Variants in DIDO1 observed in about 807,000 individuals in gnomAD.
DIDO1 encodes the protein death inducer-obliterator 1.
In DIDO1, 16 loss-of-function variants were observed where a neutral mutation model predicts 99.4. The ratio of observed to expected loss-of-function variants is 0.16; its 90% CI spans 0.11 to 0.24. The LOEUF is 0.24. DIDO1 is among the 10% of genes least tolerant of loss of function. DIDO1 has a pLI of 1.00. For synonymous variants in DIDO1, 1,366 were observed against 1,239.1 expected, an observed-to-expected ratio of 1.10 and a Z score of -2.15; for missense variants, 2,996 against 3,014.0, an observed-to-expected ratio of 0.99 and a Z score of 0.14.
intron 1 of DIDO1, among the ~76,000 whole-genome samples, chr20:62,935,698 T>C (rs562805673): frequency 1.3e-5 from 2 of 152,236 alleles, no homozygotes; most frequent in African/African-American, 2.4e-5. Flanking sequence ...TGCAGACTTA[T>C]AGCTGCGCTA....
At chr20:62,923,058 G>A (rs1253364893) in intron 1 of DIDO1, among the ~76,000 whole-genome samples, 3 of 152,238 alleles carry the variant, frequency 2.0e-5, no homozygotes, top group South Asian at 4.1e-4. Flanking sequence ...CTGGAGAGCA[G>A]TAGCAGAACC....
chr20:62,927,041 C>A (rs559988758), upstream of DIDO1, among the ~76,000 whole-genome samples: 218 of 134,396 alleles, frequency 1.6e-3, no homozygotes, highest in African/African-American at 6.4e-3. Flanking sequence ...GGCGGGGTTT[C>A]TCTCCAACTT....
chr20:62,911,717 G>C lies in DIDO1; in HGVS notation c.-2-103C>G. Reference sequence around the variant, plus strand: ...AGGGGCCACCTCCCTACAAACAGTGGAGCTCTACATAAAGCAAGTCCTTCT... The same window carrying C: ...AGGGGCCACCTCCCTACAAACAGTGCAGCTCTACATAAAGCAAGTCCTTCT... On this transcript the variant is annotated intron_variant, in intron 2 of 15. Transcript: ENST00000395343. This position sits in a 1 kb window ranked among gnomAD's most constrained non-coding sequence, Gnocchi z 7.0. The C allele has an allele frequency of 2.9e-6, 3 of 1,023,506 alleles. No individual in the cohort carries two copies. The highest frequency in any genetic ancestry group is 4.2e-6 in the Non-Finnish European group (3 of 718,218). The allele number at this position is 1,023,506 out of a possible 1,614,324, so 63.4% of individuals were successfully genotyped here.
At position 62,905,214 on chromosome 20, in the gene DIDO1, C is replaced by T. The variant is rs943704653; in HGVS notation, c.1588+673G>A. 1.3e-5 allele frequency: 15 copies of T among 1,162,374 alleles called. No homozygotes were observed. The Admixed American group carries it at 2.9e-4, about 22-fold the overall frequency. 72.0% of individuals were successfully genotyped at this position (1,162,374 alleles called of 1,614,324 possible). ...TGTAGAATACCAAGTCCAAGGCACG[C>T]GTCCTGCGGTCAGGACAGTGTTCTA... On this transcript the variant is annotated intron_variant, in intron 6 of 15. Coordinates refer to ENST00000395343, the MANE Select transcript of DIDO1 (RefSeq NM_001193369.2).
chr20:62,931,765 G>A (rs2065334337), intron 1 of DIDO1, among the ~76,000 whole-genome samples: 1 of 152,218 alleles, frequency 6.6e-6, no homozygotes, highest in South Asian at 2.1e-4. Context: ...AATGCCTTGG[G>A]AGTATGGGAC....
chr20:62,937,663 G>A (rs879481055), intron 1 of DIDO1: 7 of 394,804 alleles, frequency 1.8e-5, no homozygotes, highest in Non-Finnish European at 3.1e-5. Flanking sequence ...GGACCTCAGG[G>A]ACACTAGCCC....
At chr20:62,903,889 G>C (rs1023560210) in intron 6 of DIDO1, among the ~76,000 whole-genome samples, 9 of 152,114 alleles carry the variant, frequency 5.9e-5, no homozygotes, top group Admixed American at 2.0e-4. Context: ...AGAGTACCCC[G>C]CTATGGGCAG....
Position 62,887,354 on chromosome 20 carries a change from T to C in DIDO1, c.3541+3606A>G, listed in dbSNP as rs2064312337. 4.1e-6 allele frequency: 4 copies of C among 985,454 alleles called. 1 individual carries two copies. The African/African-American group carries it at 7.0e-5, about 17-fold the overall frequency. The allele number at this position is 985,454 out of a possible 1,614,324, so 61.0% of individuals were successfully genotyped here. A position where few individuals can be genotyped will look rare whatever the true frequency, so the allele number is the denominator to read the frequency against. ...AACTGAAGAAATGCTTACCTGACAA[T>C]ATTTCAAGTCAGAATTTCTCAGCTA... On this transcript the variant is annotated intron_variant, in intron 15 of 15. Transcript: ENST00000395343.
At chr20:62,901,425 T>A (rs1332834858) in intron 6 of DIDO1, among the ~76,000 whole-genome samples, 1 of 152,246 alleles carries the variant, frequency 6.6e-6, no homozygotes, top group Non-Finnish European at 1.5e-5. Context: ...ACATGGTGTG[T>A]GCCTGGCTGC....
At chr20:62,933,905 A>T (rs1362456711) in intron 1 of DIDO1, among the ~76,000 whole-genome samples, 2 of 151,834 alleles carry the variant, frequency 1.3e-5, no homozygotes, top group East Asian at 3.9e-4. Context: ...TACCTTTAGC[A>T]CTCCTCTTTC....
intron 6 of DIDO1, among the ~76,000 whole-genome samples, chr20:62,900,012 T>G (rs2064628955): frequency 6.6e-6 from 1 of 152,212 alleles, no homozygotes; most frequent in African/African-American, 2.4e-5. Flanking sequence ...TGTGTATAAC[T>G]TCAGAGAAGG....
chr20:62,914,029 G>C lies in DIDO1; in HGVS notation c.-3+181C>G, dbSNP rs78757981. On this transcript the variant is annotated intron_variant, in intron 2 of 15. Coordinates refer to ENST00000395343, the MANE Select transcript of DIDO1 (RefSeq NM_001193369.2). ...AAATATTTCCAATCTGCAGCTGGTT[G>C]AATCCACAGATGCAGAATCTGCTGC... 6.3e-3 allele frequency among the ~76,000 whole-genome samples: 957 copies of C among 152,268 alleles called. 7 individuals carry two copies. Among genetic ancestry groups the C allele is most frequent in the Non-Finnish European group, 0.01 (691 of 68,022 alleles).
chr20:62,922,049 A>G (rs368776633), intron 1 of DIDO1, among the ~76,000 whole-genome samples: 1 of 123,068 alleles, frequency 8.1e-6, no homozygotes, highest in African/African-American at 3.8e-5. Context: ...ATATACACAC[A>G]ATATATATAT....
At chr20:62,920,401 G>A (rs976127074) in intron 1 of DIDO1, among the ~76,000 whole-genome samples, 2 of 152,210 alleles carry the variant, frequency 1.3e-5, no homozygotes, top group Non-Finnish European at 2.9e-5. Context: ...CTGCTGCAAA[G>A]GATTCAGCAA....
chr20:62,897,926 A>T (rs938196046), intron 6 of DIDO1, among the ~76,000 whole-genome samples: 1 of 152,150 alleles, frequency 6.6e-6, no homozygotes. Context: ...GGGGGCCCCC[A>T]TGAGGGCCCC....
At chr20:62,883,654 GTC>G (rs1395847531) in intron 15 of DIDO1, among the ~76,000 whole-genome samples, 2 of 152,076 alleles carry the variant, frequency 1.3e-5, no homozygotes, top group Non-Finnish European at 2.9e-5. Context: ...GTGAAACCCC[GTC>G]TCTACTAAAA....
chr20:62,894,680 G>T lies in DIDO1; in HGVS notation c.2436+130C>A, dbSNP rs1365419444. ...AGAAAAAAGGACCATCTAATACAAG[G>T]ACTGAGGAATGCCACAATGACATAC... On this transcript the variant is annotated intron_variant, in intron 10 of 15. Coordinates refer to ENST00000395343, the MANE Select transcript of DIDO1 (RefSeq NM_001193369.2). The surrounding 1 kb of genome is among the most constrained non-coding windows in gnomAD (Gnocchi z 4.4). 21 of 1,409,328 alleles carry T rather than the reference G, an allele frequency of 1.5e-5. No homozygotes were observed. The East Asian group carries it at 4.8e-4, about 32-fold the overall frequency. The allele number at this position is 1,409,328 out of a possible 1,614,324, so 87.3% of individuals were successfully genotyped here.
In DIDO1 at chr20:62,881,908, C is replaced by A. The variant is rs778554789; in HGVS notation, c.4048G>T (p.Ala1350Ser). 5.0e-6 allele frequency: 8 copies of A among 1,613,504 alleles called. 1 individual carries two copies. In the South Asian group the frequency reaches 8.8e-5, roughly 18 times the overall value. Reference protein sequence around the residue: ...AGLPQEPKTTAEDGVPAPPLL... With the variant: ...AGLPQEPKTTSEDGVPAPPLL... ...GGAGGTGCCGGCACCCCGTCCTCTGCTGTGGTTTTGGGCTCCTGGGGGAGA... is the reference window on the plus strand; with the variant it reads ...GGAGGTGCCGGCACCCCGTCCTCTGATGTGGTTTTGGGCTCCTGGGGGAGA... Residue 1350 changes from alanine (A) to serine (S), a missense_variant, in exon 16 of 16, where the codon GCA (alanine) becomes TCA (serine). Ala to Ser is a moderately conservative substitution (Grantham distance 99). This residue lies in a region of DIDO1 where 1,562 missense variants were observed against 1,412.6 expected (regional missense o/e 1.11). Transcript: ENST00000395343. This position sits in a 1 kb window ranked among gnomAD's most constrained non-coding sequence, Gnocchi z 8.3.
intron 4 of DIDO1, among the ~76,000 whole-genome samples, chr20:62,908,028 G>A (rs1046662439): frequency 2.0e-5 from 3 of 152,130 alleles, no homozygotes; most frequent in South Asian, 2.1e-4. Context: ...TGCCCAGGCC[G>A]GAGAGCAGTG....
Sources: allele counts gnomAD v4.1 joint callset (sites outside exome capture counted in the v4.1 genomes callset), GRCh38; gene constraint gnomAD v4.1.1; regional missense constraint gnomAD v4.1.1; non-coding constraint Gnocchi (gnomAD v3.1); transcripts MANE v1.5; gene names NCBI Gene and HGNC (gene_info 2026-07-23, HGNC 2026-07-21).